The following NF1 variants were observed in gnomAD, a reference collection of about 807,000 sequenced individuals.
NF1 encodes the protein neurofibromin.
A neutral mutation model predicts 325.7 loss-of-function variants in NF1; 122 were observed. The ratio of observed to expected loss-of-function variants is 0.37; its 90% CI spans 0.32 to 0.44. The LOEUF (loss-of-function observed/expected upper bound fraction) is 0.44, where lower values mean the gene tolerates loss of function less well. NF1 is among the 20% of genes least tolerant of loss of function. The pLI, the probability that NF1 is intolerant of heterozygous loss-of-function variation, is 1.00. For synonymous variants in NF1, 1,091 were observed against 1,186.0 expected (o/e 0.92, Z 1.65); for missense variants, 2,140 against 3,415.4 (o/e 0.63, Z 9.31).
Position 31,153,799 on chromosome 17 carries a change from A to G in NF1, c.61-2184A>G, listed in dbSNP as rs116140337. On this transcript the variant is annotated intron_variant, in intron 1 of 57. Coordinates refer to ENST00000358273, the MANE Select transcript of NF1 (RefSeq NM_001042492.3). ...TTTTTTTTTTTTTTTTTTAAAGTAA[A>G]GATGAGGTCTCACTCTGTTGCCCAG... Among the ~76,000 whole-genome samples, 1,017 of 149,914 alleles carry G rather than the reference A, an allele frequency of 6.8e-3. 13 individuals are homozygous for G. The highest frequency in any genetic ancestry group is 0.024 in the African/African-American group (959 of 40,736).
chr17:31,120,786 TAA>T (rs57465655), intron 1 of NF1, among the ~76,000 whole-genome samples: 7 of 143,198 alleles, frequency 4.9e-5, no homozygotes, highest in Admixed American at 7.0e-5. Context: ...TTAAAGTATT[TAA>T]AAAAAAAAAA....
chr17:31,214,029 G>A (rs2066775622), intron 12 of NF1, among the ~76,000 whole-genome samples: 1 of 152,096 alleles, frequency 6.6e-6, no homozygotes, highest in African/African-American at 2.4e-5. Context: ...ATGTTGTAGA[G>A]TCTATGAAAT....
At chr17:31,323,148 G>A (rs1457316080) in intron 36 of NF1, among the ~76,000 whole-genome samples, 1 of 152,104 alleles carries the variant, frequency 6.6e-6, no homozygotes, top group Non-Finnish European at 1.5e-5. Context: ...TGTAATCTCA[G>A]CACTTTGGGA....
intron 57 of NF1, among the ~76,000 whole-genome samples, chr17:31,363,672 G>T (rs959456703): frequency 4.6e-5 from 7 of 151,118 alleles, no homozygotes; most frequent in Non-Finnish European, 7.4e-5. Context: ...TCCTGACCTC[G>T]TGATCCACCC....
chr17:31,187,606 A>G (rs1298099997), intron 8 of NF1, among the ~76,000 whole-genome samples: 3 of 152,192 alleles, frequency 2.0e-5, no homozygotes, highest in African/African-American at 7.2e-5. Flanking sequence ...AGTACTTTGC[A>G]GGGCTGGAGC....
chr17:31,197,207 G>T (rs1309937664), intron 8 of NF1, among the ~76,000 whole-genome samples: 1 of 151,768 alleles, frequency 6.6e-6, no homozygotes, highest in African/African-American at 2.4e-5. Context: ...ACCATGCCCA[G>T]CTAATTTTTT....
At chr17:31,245,395 T>A (rs964425066) in intron 29 of NF1, among the ~76,000 whole-genome samples, 4 of 152,184 alleles carry the variant, frequency 2.6e-5, no homozygotes, top group Non-Finnish European at 5.9e-5. Flanking sequence ...CAGGTGTCCT[T>A]GTGATTCAGT....
intron 35 of NF1, among the ~76,000 whole-genome samples, chr17:31,264,673 C>T (rs2067754644): frequency 6.6e-6 from 1 of 152,094 alleles, no homozygotes; most frequent in Non-Finnish European, 1.5e-5. Context: ...GTTGAAGAAG[C>T]ACACTGAGTC....
chr17:31,256,775 C>A (rs1415408565), intron 31 of NF1, among the ~76,000 whole-genome samples: 2 of 152,106 alleles, frequency 1.3e-5, no homozygotes, highest in Admixed American at 6.6e-5. Flanking sequence ...TATTTAGTCA[C>A]CTTCACCAGT....
chr17:31,243,882 G>A (rs571788938), intron 29 of NF1, among the ~76,000 whole-genome samples: 2 of 151,718 alleles, frequency 1.3e-5, no homozygotes, highest in African/African-American at 2.4e-5. Flanking sequence ...AAGCAGAAGG[G>A]GTCTCTCTCC....
At position 31,225,137 on chromosome 17, in the gene NF1, G is replaced by T. The variant is rs751795238; in HGVS notation, c.1888G>T (p.Val630Leu). The T allele has an allele frequency of 6.2e-7, 1 of 1,613,682 alleles. No individual in the cohort carries two copies. The highest frequency in any genetic ancestry group is 2.2e-5 in the East Asian group (1 of 44,848). Reference protein sequence around the residue: ...SSCHFLLFYGVGCDIPSSGNT... With the variant: ...SSCHFLLFYGLGCDIPSSGNT... ...CTGTCACTTTCTCCTTTTTTACGGG[G>T]TAGGATGTGATATTCCTTCTAGTGG... Residue 630 changes from valine (V) to leucine (L), a missense_variant, in exon 17 of 58, where the codon GTA becomes TTA. By Grantham distance (32) the Val-to-Leu change is conservative (BLOSUM62 1). Coordinates refer to ENST00000358273, the MANE Select transcript of NF1 (RefSeq NM_001042492.3).
At chr17:31,219,214 T>A in intron 14 of NF1, 96 bp downstream of exon 14, 1 of 1,269,192 alleles carries the variant, frequency 7.9e-7, no homozygotes, top group Non-Finnish European at 1.1e-6. Flanking sequence ...GAGTAACAGG[T>A]AGATGTCATT....
chr17:31,254,737 T>C (rs192562069), intron 31 of NF1, among the ~76,000 whole-genome samples: 45 of 152,310 alleles, frequency 3.0e-4, no homozygotes, highest in African/African-American at 1.1e-3. Flanking sequence ...TGTTTTTTTT[T>C]CTACTAGAGT....
intron 8 of NF1, among the ~76,000 whole-genome samples, chr17:31,194,160 C>T (rs371143039): frequency 2.0e-5 from 3 of 151,704 alleles, no homozygotes; most frequent in African/African-American, 4.8e-5. Context: ...CAGATGAATG[C>T]GTAAAGAAAA....
intron 56 of NF1, chr17:31,359,449 T>A (rs1031271052): frequency 5.3e-6 from 1 of 190,244 alleles, no homozygotes; most frequent in African/African-American, 2.4e-5. Flanking sequence ...TTGCTCTTAT[T>A]CAGTTTTTTT....
chr17:31,299,513 ATATTACC>A (rs2068532260), intron 36 of NF1: 1 of 152,044 alleles, frequency 6.6e-6, no homozygotes, highest in African/African-American at 2.4e-5. Flanking sequence ...GTCCTAGGAT[ATATTACC>A]CCAACATTGT....
chr17:31,356,079 G>A (rs894079196), intron 51 of NF1: 7 of 174,804 alleles, frequency 4.0e-5, no homozygotes, highest in East Asian at 2.9e-4. Context: ...CACCAGCAGC[G>A]TTTCTTAAAC....
intron 36 of NF1, among the ~76,000 whole-genome samples, chr17:31,309,169 CA>C: frequency 6.6e-6 from 1 of 152,284 alleles, no homozygotes; most frequent in South Asian, 2.1e-4. Context: ...CACCTGATTC[CA>C]AAGCATACAT....
chr17:31,265,137 T>G (rs1402673210), intron 35 of NF1, 92 bp from the exon 36 acceptor site: 5 of 913,242 alleles, frequency 5.5e-6, no homozygotes, highest in Non-Finnish European at 6.8e-6. Context: ...TTTTTTCATT[T>G]TAGTATTTTA....
Sources: gnomAD v4.1 joint callset for allele counts (sites outside exome capture counted in the v4.1 genomes callset) on GRCh38, gnomAD v4.1.1 for gene constraint, MANE v1.5 for transcripts, NCBI Gene and HGNC (gene_info 2026-07-23, HGNC 2026-07-21) for gene names.